Variants in CCDC62 observed in about 807,000 individuals in gnomAD.
CCDC62 encodes the protein coiled-coil domain-containing protein 62.
In CCDC62, 72 loss-of-function variants were observed where a neutral mutation model predicts 80.8. The ratio of observed to expected loss-of-function variants is 0.89; its 90% CI spans 0.74 to 1.08. CCDC62 has a LOEUF of 1.08. CCDC62 is among the 50% of genes least tolerant of loss of function. The probability of loss-of-function intolerance (pLI) is 0.00; values close to 1 mark genes in which losing one functional copy is unlikely to be tolerated. For synonymous variants in CCDC62, 286 were observed against 296.5 expected (o/e 0.96, Z 0.36); for missense variants, 704 against 809.4 (o/e 0.87, Z 1.58).
intron 9 of CCDC62, among the ~76,000 whole-genome samples, chr12:122,805,160 C>T (rs1256716558): frequency 7.0e-6 from 1 of 142,714 alleles, no homozygotes; most frequent in Non-Finnish European, 1.5e-5. Context: ...ATGGGGATTA[C>T]AGGCATGAGT....
intron 9 of CCDC62, among the ~76,000 whole-genome samples, chr12:122,804,882 ATTT>A (rs35218710): frequency 9.6e-5 from 10 of 104,482 alleles, no homozygotes; most frequent in Non-Finnish European, 1.0e-4. Flanking sequence ...ACTTGGTTCC[ATTT>A]TTTTTTTTTT....
intron 10 of CCDC62, among the ~76,000 whole-genome samples, chr12:122,808,629 T>C (rs2031726888): frequency 6.6e-6 from 1 of 152,046 alleles, no homozygotes; most frequent in Non-Finnish European, 1.5e-5. Flanking sequence ...TGGGCTCAAG[T>C]AATCCTCCCA....
chr12:122,804,359 C>T (rs369576176), intron 9 of CCDC62, among the ~76,000 whole-genome samples: 5 of 152,128 alleles, frequency 3.3e-5, no homozygotes, highest in African/African-American at 7.2e-5. Context: ...TGGTGGCACA[C>T]GCCTGTAGTC....
intron 5 of CCDC62, among the ~76,000 whole-genome samples, chr12:122,790,111 C>T (rs746941204): frequency 6.6e-6 from 1 of 151,704 alleles, no homozygotes; most frequent in African/African-American, 2.4e-5. Flanking sequence ...AGTGCAATGG[C>T]GTGATCTCAG....
intron 11 of CCDC62, among the ~76,000 whole-genome samples, chr12:122,820,061 CAAAAAAAAAA>C (rs34620795): frequency 3.4e-5 from 2 of 58,120 alleles, no homozygotes; most frequent in Admixed American, 5.3e-4. Flanking sequence ...GATCCTGTCT[CAAAAAAAAAA>C]AAAAAAAAAA....
intron 6 of CCDC62, among the ~76,000 whole-genome samples, chr12:122,794,627 C>T (rs966934073): frequency 1.3e-5 from 2 of 152,154 alleles, no homozygotes; most frequent in South Asian, 4.2e-4. Flanking sequence ...TTGCATGTTT[C>T]AATTATAAAA....
At chr12:122,784,770 G>T (rs150937297) in intron 3 of CCDC62, among the ~76,000 whole-genome samples, 1 of 152,258 alleles carries the variant, frequency 6.6e-6, no homozygotes, top group African/African-American at 2.4e-5. Context: ...AGGAGTTCAA[G>T]GTTACTATGA....
At chr12:122,776,313 T>A (rs1365770108) in intron 1 of CCDC62, among the ~76,000 whole-genome samples, 1 of 152,226 alleles carries the variant, frequency 6.6e-6, no homozygotes, top group Non-Finnish European at 1.5e-5. Context: ...TCAGGCCAAC[T>A]TGTTAGATTT....
chr12:122,795,276 C>T (rs1566076115), intron 6 of CCDC62, among the ~76,000 whole-genome samples: 1 of 152,004 alleles, frequency 6.6e-6, no homozygotes, highest in African/African-American at 2.4e-5. Flanking sequence ...GTCTCGAACT[C>T]TTGAGCTCAG....
intron 10 of CCDC62, among the ~76,000 whole-genome samples, chr12:122,808,184 C>G (rs2031703196): frequency 6.6e-6 from 1 of 152,092 alleles, no homozygotes; most frequent in Admixed American, 6.6e-5. Flanking sequence ...GTAATCCCAG[C>G]TACTCAGGAT....
At chr12:122,824,053 G>C (rs535807327) in intron 12 of CCDC62, among the ~76,000 whole-genome samples, 1 of 152,156 alleles carries the variant, frequency 6.6e-6, no homozygotes, top group South Asian at 2.1e-4. Flanking sequence ...CATAGACACA[G>C]CTTTAAAAAT....
intron 11 of CCDC62, among the ~76,000 whole-genome samples, chr12:122,816,848 A>G (rs1280702861): frequency 6.6e-6 from 1 of 152,078 alleles, no homozygotes; most frequent in East Asian, 1.9e-4. Flanking sequence ...CACTACCGCT[A>G]TCTAATTCTA....
At chr12:122,789,715 G>GT (rs2030483335) in intron 5 of CCDC62, among the ~76,000 whole-genome samples, 1 of 152,160 alleles carries the variant, frequency 6.6e-6, no homozygotes, top group African/African-American at 2.4e-5. Flanking sequence ...ATCTACAGGC[G>GT]TGAGCCAACA....
At chr12:122,815,712 G>T (rs889039191) in intron 11 of CCDC62, among the ~76,000 whole-genome samples, 3 of 152,200 alleles carry the variant, frequency 2.0e-5, no homozygotes, top group African/African-American at 4.8e-5. Flanking sequence ...CTCCCAAAAT[G>T]CTGGGATTAC....
intron 12 of CCDC62, among the ~76,000 whole-genome samples, chr12:122,825,215 G>A (rs1018325263): frequency 6.6e-6 from 1 of 151,492 alleles, no homozygotes; most frequent in African/African-American, 2.4e-5. Flanking sequence ...TTGCTCTGTC[G>A]CCCAGGCTGG....
At chr12:122,816,314 G>T (rs1252196622) in intron 11 of CCDC62, among the ~76,000 whole-genome samples, 1 of 152,202 alleles carries the variant, frequency 6.6e-6, no homozygotes, top group Non-Finnish European at 1.5e-5. Context: ...CTATTTTGGT[G>T]CTTAGCTATC....
chr12:122,777,767 T>G, intron 2 of CCDC62, 84 bp downstream of exon 2: 128 of 1,192,086 alleles, frequency 1.1e-4, no homozygotes, highest in Non-Finnish European at 1.4e-4. Context: ...AGAGAGGAAG[T>G]AAAGACTGCA....
rs71085861 is a variant in CCDC62 at position 122,822,574 on chromosome 12, A to ATTTT, written c.2002-778_2002-775dup. ...TACTCTCTGCTTCTATGAGTTCCAC[A>ATTTT]TTTTTTTTTTTTTTTTTGAGATGGA... On this transcript the variant is annotated intron_variant, in intron 11 of 12. Coordinates refer to ENST00000253079, the MANE Select transcript of CCDC62 (RefSeq NM_201435.5). Among the ~76,000 whole-genome samples the ATTTT allele has an allele frequency of 2.7e-4, 32 of 117,754 alleles. 1 individual carries two copies. Among genetic ancestry groups the ATTTT allele is most frequent in the South Asian group, 5.3e-4 (2 of 3,762 alleles). The allele number at this position is 117,754 out of a possible 152,430, so 77.3% of individuals were successfully genotyped here. A position where few individuals can be genotyped will look rare whatever the true frequency, so the allele number is the denominator to read the frequency against.
At position 122,798,508 on chromosome 12, in the gene CCDC62, C is replaced by G. The variant is rs144122729; in HGVS notation, c.977+308C>G. Among the ~76,000 whole-genome samples, 288 of 152,256 alleles carry G rather than the reference C, an allele frequency of 1.9e-3. 17 individuals are homozygous for G. In the East Asian group the frequency reaches 0.055, roughly 29 times the overall value. Reference sequence around the variant, plus strand: ...GTCCCAGCTACTTGCAAGGCTGAGGCACGAGAATCGCTTGAACCTGGGAGG... The same window carrying G: ...GTCCCAGCTACTTGCAAGGCTGAGGGACGAGAATCGCTTGAACCTGGGAGG... On this transcript the variant is annotated intron_variant, in intron 8 of 12. Coordinates refer to ENST00000253079, the MANE Select transcript of CCDC62 (RefSeq NM_201435.5).
Sources: gnomAD v4.1 joint callset for allele counts (sites outside exome capture counted in the v4.1 genomes callset) on GRCh38, gnomAD v4.1.1 for gene constraint, MANE v1.5 for transcripts, NCBI Gene and HGNC (gene_info 2026-07-23, HGNC 2026-07-21) for gene names.